Variants in LRRC4C observed in about 807,000 individuals in gnomAD.
The protein encoded by LRRC4C is leucine rich repeat containing 4C.
LRRC4C carries 5 observed loss-of-function variants against 33.6 expected under a neutral mutation model. That is an observed-to-expected ratio of 0.15 (90% confidence interval 0.08 to 0.31). LRRC4C has a LOEUF of 0.31. Ranked by LOEUF, LRRC4C falls within the 10% of genes least tolerant of loss-of-function variation. The pLI, the probability that LRRC4C is intolerant of heterozygous loss-of-function variation, is 1.00. For missense variants in LRRC4C, 560 were observed against 796.7 expected, an observed-to-expected ratio of 0.70 and a Z score of 3.58; for synonymous variants, 329 against 302.0, an observed-to-expected ratio of 1.09 and a Z score of -0.93.
At chr11:41,453,532 A>T (rs1022899812) in intron 1 of LRRC4C, among the ~76,000 whole-genome samples, 7 of 151,684 alleles carry the variant, frequency 4.6e-5, no homozygotes, top group African/African-American at 1.4e-4. Flanking sequence ...TCCTACAAAT[A>T]AAAGAAACCA....
intron 2 of LRRC4C, among the ~76,000 whole-genome samples, chr11:40,743,718 C>T (rs1948278962): frequency 1.3e-5 from 2 of 152,108 alleles, no homozygotes; most frequent in Non-Finnish European, 2.9e-5. Context: ...ACAATTCTTT[C>T]TTTCCTAAAA....
intron 1 of LRRC4C, among the ~76,000 whole-genome samples, chr11:41,079,182 C>T (rs1046579206): frequency 1.3e-5 from 2 of 152,144 alleles, no homozygotes; most frequent in Non-Finnish European, 2.9e-5. Context: ...TATGCAAATA[C>T]AGCCTTGTAA....
intron 5 of LRRC4C, among the ~76,000 whole-genome samples, chr11:40,238,236 C>A (rs1167304239): frequency 6.6e-6 from 1 of 152,160 alleles, no homozygotes; most frequent in East Asian, 1.9e-4. Context: ...AAAACAAATA[C>A]CCCACACTGT....
At chr11:41,366,985 G>T (rs931142640) in intron 1 of LRRC4C, among the ~76,000 whole-genome samples, 1 of 152,132 alleles carries the variant, frequency 6.6e-6, no homozygotes, top group African/African-American at 2.4e-5. Context: ...ATTTGTATGA[G>T]TTATTTTACT....
chr11:41,275,046 G>C (rs1226451028), intron 1 of LRRC4C, among the ~76,000 whole-genome samples: 1 of 152,048 alleles, frequency 6.6e-6, no homozygotes, highest in Non-Finnish European at 1.5e-5. Flanking sequence ...ATGTGAGATA[G>C]GGTTGTTTAA....
At chr11:40,772,217 A>G (rs1426808346) in intron 2 of LRRC4C, among the ~76,000 whole-genome samples, 1 of 152,200 alleles carries the variant, frequency 6.6e-6, no homozygotes, top group Non-Finnish European at 1.5e-5. Context: ...TCCTTTTCAC[A>G]TGGTGGGAGG....
chr11:40,864,994 C>T (rs1030402359), intron 2 of LRRC4C, among the ~76,000 whole-genome samples: 11 of 152,186 alleles, frequency 7.2e-5, no homozygotes, highest in Non-Finnish European at 1.0e-4. Context: ...TTTTCTTATC[C>T]GTTTATCCAC....
At chr11:40,810,121 A>G (rs1951424596) in intron 2 of LRRC4C, among the ~76,000 whole-genome samples, 2 of 152,072 alleles carry the variant, frequency 1.3e-5, no homozygotes, top group South Asian at 4.1e-4. Flanking sequence ...TGGATTTCCA[A>G]CTCAACCAGT....
At chr11:41,436,881 A>C (rs16935709) in intron 1 of LRRC4C, among the ~76,000 whole-genome samples, 8,053 of 152,292 alleles carry the variant, frequency 0.053, 265 homozygotes, top group East Asian at 0.13. Context: ...ACATTTAAGA[A>C]GGGGAAAGAA....
chr11:40,816,359 C>T (rs1951704887), intron 2 of LRRC4C, among the ~76,000 whole-genome samples: 1 of 152,178 alleles, frequency 6.6e-6, no homozygotes, highest in South Asian at 2.1e-4. Flanking sequence ...AGAAGGTACC[C>T]ATGAGTAAAT....
chr11:40,505,457 A>C (rs1954986943), intron 3 of LRRC4C, among the ~76,000 whole-genome samples: 1 of 152,202 alleles, frequency 6.6e-6, no homozygotes, highest in Non-Finnish European at 1.5e-5. Context: ...GGATTGAAGG[A>C]AACCTCTTGC....
chr11:40,812,528 A>T (rs1951533226), intron 2 of LRRC4C, among the ~76,000 whole-genome samples: 1 of 152,186 alleles, frequency 6.6e-6, no homozygotes, highest in South Asian at 2.1e-4. Flanking sequence ...AAAATATAAG[A>T]TTCTTAATGA....
At chr11:40,911,317 T>G (rs1352315427) in intron 2 of LRRC4C, among the ~76,000 whole-genome samples, 1 of 152,088 alleles carries the variant, frequency 6.6e-6, no homozygotes. Context: ...GACTGACACC[T>G]CACACAGCCG....
chr11:41,026,981 C>A (rs891972817), intron 1 of LRRC4C, among the ~76,000 whole-genome samples: 1 of 151,600 alleles, frequency 6.6e-6, no homozygotes, highest in African/African-American at 2.4e-5. Flanking sequence ...CAAACGCACA[C>A]TCTCTCTTTT....
intron 2 of LRRC4C, among the ~76,000 whole-genome samples, chr11:40,798,793 G>A (rs749296177): frequency 6.6e-6 from 1 of 151,758 alleles, no homozygotes; most frequent in African/African-American, 2.4e-5. Context: ...ACAGGCACCT[G>A]CCACCATACT....
chr11:41,442,458 CTTTTTTTT>C (rs775679545), intron 1 of LRRC4C, among the ~76,000 whole-genome samples: 1 of 84,070 alleles, frequency 1.2e-5, no homozygotes, highest in Non-Finnish European at 2.3e-5. Flanking sequence ...TTGCTTTTTT[CTTTTTTTT>C]TTTTTTTTTT....
At chr11:40,675,318 A>G (rs1944344435) in intron 2 of LRRC4C, among the ~76,000 whole-genome samples, 1 of 152,228 alleles carries the variant, frequency 6.6e-6, no homozygotes, top group Non-Finnish European at 1.5e-5. Context: ...TTTCAGAAGT[A>G]TTCAATAATT....
chr11:41,118,587 TC>T (rs1195917673), intron 1 of LRRC4C, among the ~76,000 whole-genome samples: 1 of 152,206 alleles, frequency 6.6e-6, no homozygotes, highest in Admixed American at 6.5e-5. Flanking sequence ...GTCAATTCAT[TC>T]GTTTCTCAAT....
intron 1 of LRRC4C, among the ~76,000 whole-genome samples, chr11:41,333,376 T>A (rs1014000801): frequency 5.3e-5 from 8 of 152,164 alleles, no homozygotes; most frequent in African/African-American, 1.9e-4. Context: ...CATTAAAAGA[T>A]CAATAATAAG....
Sources: gnomAD v4.1 joint callset for allele counts (sites outside exome capture counted in the v4.1 genomes callset) on GRCh38, gnomAD v4.1.1 for gene constraint, MANE v1.5 for transcripts, NCBI Gene and HGNC (gene_info 2026-07-23, HGNC 2026-07-21) for gene names.